FLCN: variants seen among roughly 807,000 people sequenced by gnomAD.
FLCN encodes folliculin, also known as BHD skin lesion fibrofolliculoma protein.
In FLCN, 22 loss-of-function variants were observed where a neutral mutation model predicts 62.5. That is an observed-to-expected ratio of 0.35 (90% CI 0.25 to 0.50). The LOEUF is 0.50. Ranked by LOEUF, FLCN falls within the 20% of genes least tolerant of loss-of-function variation. FLCN has a pLI of 0.97. For synonymous variants in FLCN, 319 were observed against 310.0 expected, an observed-to-expected ratio of 1.03 and a Z score of -0.30; for missense variants, 657 against 778.0, an observed-to-expected ratio of 0.84 and a Z score of 1.85.
rs1257705335 is a variant in FLCN at position 17,222,571 on chromosome 17, C to T, written c.709G>A (p.Ala237Thr). The T allele has an allele frequency of 1.9e-6, 3 of 1,614,230 alleles. No individual in the cohort carries two copies. Among genetic ancestry groups the T allele is most frequent in the East Asian group, 2.2e-5 (1 of 44,888 alleles). The change falls in exon 7 of 14, where the codon GCC (alanine) becomes ACC (threonine). Residue 237 changes from alanine (A) to threonine (T), a missense_variant. By Grantham distance (58) the Ala-to-Thr change is moderately conservative (BLOSUM62 0). Coordinates refer to ENST00000285071, the MANE Select transcript of FLCN (RefSeq NM_144997.7). ...TPFLHQRNGNAARSLTSLTSD... is the reference protein window; with the variant it reads ...TPFLHQRNGNTARSLTSLTSD... The stretch of plus-strand genomic sequence containing the variant: ...GTCAGCGATGTCAGCGAGCGGGCGG[C>T]GTTGCCGTTCCTCTGGTGTAGGAAT...
chr17:17,224,260 G>T, intron 5 of FLCN, 117 bp from the exon 6 acceptor site: 1 of 932,670 alleles, frequency 1.1e-6, no homozygotes. Context: ...TTAATAACGG[G>T]GAGAGTGGCA....
chr17:17,233,135 G>A (rs1456802341), intron 1 of FLCN, among the ~76,000 whole-genome samples: 1 of 152,036 alleles, frequency 6.6e-6, no homozygotes, highest in African/African-American at 2.4e-5. Flanking sequence ...TTTGATCAAG[G>A]ATCTCTGTAT....
intron 8 of FLCN, chr17:17,221,336 C>A (rs753276801): frequency 6.4e-7 from 1 of 1,565,270 alleles, no homozygotes; most frequent in South Asian, 1.2e-5. Context: ...TTTCACATGG[C>A]GGTCAAGGCA....
chr17:17,225,752 A>G (rs771523770), intron 5 of FLCN: 7 of 309,126 alleles, frequency 2.3e-5, no homozygotes, highest in African/African-American at 4.3e-5. Flanking sequence ...ATGGTGGCAC[A>G]CACCAGTGGT....
intron 6 of FLCN, chr17:17,223,059 C>T: frequency 3.0e-6 from 1 of 329,782 alleles, no homozygotes; most frequent in Non-Finnish European, 6.0e-6. Context: ...TCAGCACCAT[C>T]TGTGCTTCTG....
chr17:17,214,121 A>G (rs2046833767), intron 13 of FLCN, among the ~76,000 whole-genome samples: 1 of 150,994 alleles, frequency 6.6e-6, no homozygotes, highest in African/African-American at 2.5e-5. Context: ...ACCCTCCCTC[A>G]AGCTGTTGTC....
intron 1 of FLCN, among the ~76,000 whole-genome samples, 151 bp downstream of exon 1, chr17:17,236,761 G>C (rs1009990154): frequency 5.9e-5 from 9 of 152,124 alleles, no homozygotes; most frequent in African/African-American, 2.2e-4. Flanking sequence ...CATAGACTTG[G>C]TTAATGGGCG....
chr17:17,213,588 C>A lies in FLCN; in HGVS notation c.*67G>T. On this transcript the variant is annotated 3_prime_UTR_variant, in exon 14 of 14. Transcript: ENST00000285071. ...GCAGTTGAGAAACTCAAGGGACAGT[C>A]CCTCTCACGGGGCTGGAGGATCCTG... 3 of 1,595,384 alleles carry A rather than the reference C, an allele frequency of 1.9e-6. No homozygotes were observed. Among genetic ancestry groups the A allele is most frequent in the Middle Eastern group, 1.7e-4 (1 of 5,828 alleles).
chr17:17,221,686 G>C, intron 7 of FLCN, 58 bp from the exon 8 acceptor site: 3 of 1,550,700 alleles, frequency 1.9e-6, no homozygotes, highest in Non-Finnish European at 2.6e-6. Context: ...CAAACCTGAC[G>C]CTCACCCAGC....
At chr17:17,222,704 G>A (rs2047133271) in intron 6 of FLCN, 43 bp from the exon 7 acceptor site, 2 of 1,613,500 alleles carry the variant, frequency 1.2e-6, no homozygotes, top group Admixed American at 3.3e-5. Flanking sequence ...AGCCAAAGCT[G>A]CCAGCAGCTC....
intron 6 of FLCN, 26 bp downstream of exon 6, chr17:17,223,896 C>T: frequency 6.2e-7 from 1 of 1,611,876 alleles, no homozygotes; most frequent in Non-Finnish European, 8.5e-7. Context: ...CCCCCTGCCG[C>T]CCCGGCACCT....
Position 17,219,187 on chromosome 17 carries a change from GCTTT to G in FLCN, c.890_893del (p.Glu297AlafsTer25), listed in dbSNP as rs398124541. ...CCTCTTCAGCCTCAGAGTTGTCCCAGCTTTCTGATTCCTCTTCTAAATCTGCAAG... is the reference window on the plus strand; with the variant it reads ...CCTCTTCAGCCTCAGAGTTGTCCCAGCTGATTCCTCTTCTAAATCTGCAAG... On this transcript the variant is annotated frameshift_variant, in exon 9 of 14. Coordinates refer to ENST00000285071, the MANE Select transcript of FLCN (RefSeq NM_144997.7). LOFTEE classifies it high-confidence loss of function. 1.2e-5 allele frequency: 20 copies of G among 1,614,098 alleles called. No individual in the cohort carries two copies. The highest frequency in any genetic ancestry group is 1.6e-5 in the Non-Finnish European group (19 of 1,180,030).
Position 17,223,937 on chromosome 17 carries a change from C to G in FLCN, c.603G>C (p.Gln201His), listed in dbSNP as rs759405317. The change falls in exon 6 of 14, where the codon CAG (glutamine) becomes CAC (histidine). Residue 201 changes from glutamine to histidine, a missense_variant. By Grantham distance (24) the Gln-to-His change is conservative. Transcript: ENST00000285071. Reference sequence around the variant, plus strand: ...CTGAATTCACCTTGAGCGCCTTGCCCTGGAGCTCATCGATGATTCCCCGGA... The same window carrying G: ...CTGAATTCACCTTGAGCGCCTTGCCGTGGAGCTCATCGATGATTCCCCGGA... ...GKVRGIIDEL[Q>H]GKALKVFEAE... 1.9e-6 allele frequency: 3 copies of G among 1,613,380 alleles called. No homozygotes were observed. Among genetic ancestry groups the G allele is most frequent in the Non-Finnish European group, 2.5e-6 (3 of 1,180,042 alleles).
chr17:17,215,749 G>T (rs981936879), intron 11 of FLCN, among the ~76,000 whole-genome samples: 6 of 152,154 alleles, frequency 3.9e-5, no homozygotes, highest in Non-Finnish European at 7.4e-5. Flanking sequence ...GCCTCGCAGG[G>T]AGTCAGGACC....
In FLCN at chr17:17,223,994, G is replaced by A. The variant is rs773535830; in HGVS notation, c.546C>T (p.Leu182=). 22 of 1,613,618 alleles carry A rather than the reference G, an allele frequency of 1.4e-5. No individual in the cohort carries two copies. The highest frequency in any genetic ancestry group is 1.8e-5 in the Non-Finnish European group (21 of 1,180,048). Residue 182 remains leucine, a synonymous_variant, in exon 6 of 14, where the codon CTC becomes CTT. Transcript: ENST00000285071. ...CCAGCAGGAAGGGCCAGGAGTTGAT[G>A]AGGTAGATCCGGTCCATCATGATGG... ...IITIMMDRIY[L]INSWPFLLGK... is the part of the protein sequence containing the mutation.
chr17:17,217,446 C>T, intron 9 of FLCN: 1 of 532,718 alleles, frequency 1.9e-6, no homozygotes, highest in Non-Finnish European at 3.4e-6. Flanking sequence ...AAATTTGAAG[C>T]AAAAAGATGT....
rs2144804405 is a variant in FLCN at position 17,213,524 on chromosome 17, T to C, written c.*131A>G. 1.6e-6 allele frequency: 2 copies of C among 1,284,428 alleles called. No individual in the cohort carries two copies. The highest frequency in any genetic ancestry group is 2.2e-6 in the Non-Finnish European group (2 of 899,808). 79.6% of individuals were successfully genotyped at this position (1,284,428 alleles called of 1,614,324 possible). A position where few individuals can be genotyped will look rare whatever the true frequency, so the allele number is the denominator to read the frequency against. On this transcript the variant is annotated 3_prime_UTR_variant, in exon 14 of 14. Coordinates refer to ENST00000285071, the MANE Select transcript of FLCN (RefSeq NM_144997.7). ...AACCTGACAGGGCCGAGCCCAGCCC[T>C]GATGGTTTCCCTTCCTTGCTGGGAC...
chr17:17,233,992 G>C (rs8079562), intron 1 of FLCN, among the ~76,000 whole-genome samples: 3 of 151,520 alleles, frequency 2.0e-5, no homozygotes, highest in African/African-American at 7.3e-5. Context: ...CTAAGTGCTA[G>C]GATTACAGGC....
chr17:17,216,551 GC>G lies in FLCN; in HGVS notation c.1177-49del, dbSNP rs2046931107. The stretch of plus-strand genomic sequence containing the variant: ...GACCAAGGACACGAGGAAGCCCTCA[GC>G]CCCGGCCATCCATGCTCTACTACCC... On this transcript the variant is annotated intron_variant, in intron 10 of 13. Transcript: ENST00000285071. The surrounding 1 kb of genome is among the most constrained non-coding windows in gnomAD (Gnocchi z 4.0). 1 of 1,610,668 alleles carries G rather than the reference GC, an allele frequency of 6.2e-7. No homozygotes were observed. The highest frequency in any genetic ancestry group is 8.5e-7 in the Non-Finnish European group (1 of 1,179,166).
Sources: gnomAD v4.1 joint callset for allele counts (sites outside exome capture counted in the v4.1 genomes callset) on GRCh38, gnomAD v4.1.1 for gene constraint, Gnocchi (gnomAD v3.1) non-coding constraint, MANE v1.5 for transcripts, NCBI Gene and HGNC (gene_info 2026-07-23, HGNC 2026-07-21) for gene names.